Variants in GIGYF2 observed in about 807,000 individuals in gnomAD.
GIGYF2 encodes the protein GRB10 interacting GYF protein 2, also known as GRB10-interacting GYF protein 2.
GIGYF2 carries 25 observed loss-of-function variants against 208.1 expected under a neutral mutation model. That is an observed-to-expected ratio of 0.12 (90% CI 0.09 to 0.17). The LOEUF (loss-of-function observed/expected upper bound fraction) is 0.17. Ranked by LOEUF, GIGYF2 falls within the 10% of genes least tolerant of loss-of-function variation. The pLI, the probability that GIGYF2 is intolerant of heterozygous loss-of-function variation, is 1.00. For synonymous variants in GIGYF2, 534 were observed against 543.8 expected, an observed-to-expected ratio of 0.98 and a Z score of 0.25; for missense variants, 1,302 against 1,579.4, an observed-to-expected ratio of 0.82 and a Z score of 2.98.
chr2:232,704,912 T>A (rs1696021052), intron 2 of GIGYF2, among the ~76,000 whole-genome samples: 1 of 135,872 alleles, frequency 7.4e-6, no homozygotes, highest in Admixed American at 8.4e-5. Flanking sequence ...CAGGCTGGAG[T>A]GCAGTGGCGC....
chr2:232,764,162 A>T (rs1016305472), intron 8 of GIGYF2, among the ~76,000 whole-genome samples: 16 of 152,344 alleles, frequency 1.1e-4, no homozygotes, highest in African/African-American at 3.8e-4. Context: ...ATCTAATCAA[A>T]TGGGGCATTT....
rs1416330639 is a variant in GIGYF2, at chr2:232,806,679, T to C, written c.1806+22T>C. The stretch of plus-strand genomic sequence containing the variant: ...TATGGTAAGTACCTTTCACCTCACC[T>C]GGAATACATATTAGTCACGGAAACA... On this transcript the variant is annotated intron_variant, in intron 15 of 28. Coordinates refer to ENST00000373563, the MANE Select transcript of GIGYF2 (RefSeq NM_001103146.3). This position sits in a 1 kb window ranked among gnomAD's most constrained non-coding sequence, Gnocchi z 4.0. The C allele has an allele frequency of 6.5e-7, 1 of 1,536,670 alleles. No individual in the cohort carries two copies. The highest frequency in any genetic ancestry group is 1.1e-5 in the South Asian group (1 of 89,508).
intron 21 of GIGYF2, among the ~76,000 whole-genome samples, chr2:232,830,922 C>T (rs2106407116): frequency 6.6e-6 from 1 of 152,280 alleles, no homozygotes; most frequent in South Asian, 2.1e-4. Flanking sequence ...TCTTAGACTT[C>T]CTTGTTTTTG....
chr2:232,843,830 A>G (rs1701906256), intron 23 of GIGYF2, among the ~76,000 whole-genome samples: 3 of 152,228 alleles, frequency 2.0e-5, no homozygotes, highest in Non-Finnish European at 4.4e-5. Context: ...CAGTCTCAAC[A>G]ACAATAAAAA....
intron 14 of GIGYF2, among the ~76,000 whole-genome samples, chr2:232,802,963 A>G (rs570000116): frequency 6.6e-6 from 1 of 151,076 alleles, no homozygotes; most frequent in African/African-American, 2.4e-5. Flanking sequence ...GCAGTGGCAC[A>G]GTCTCAGCCC....
intron 28 of GIGYF2, among the ~76,000 whole-genome samples, chr2:232,856,554 A>T (rs747001266): frequency 1.1e-3 from 160 of 152,056 alleles, no homozygotes; most frequent in Non-Finnish European, 1.9e-3. Context: ...TGAGACGGGC[A>T]TGGTGGCATG....
At chr2:232,818,416 C>CA (rs1700978400) in intron 20 of GIGYF2, among the ~76,000 whole-genome samples, 1 of 152,128 alleles carries the variant, frequency 6.6e-6, no homozygotes, top group Non-Finnish European at 1.5e-5. Flanking sequence ...AGACAGAAAT[C>CA]ACCCAGCAAT....
In GIGYF2 at chr2:232,857,073, A is replaced by T; in HGVS notation, c.*213A>T. 1 of 595,052 alleles carries T rather than the reference A, an allele frequency of 1.7e-6. No homozygotes were observed. The highest frequency in any genetic ancestry group is 2.7e-5 in the Admixed American group (1 of 37,262). The allele number at this position is 595,052 out of a possible 1,614,324, so 36.9% of individuals were successfully genotyped here. ...CTCAGACTATAGATAAGTGGACTGG[A>T]CCCTGTGTCTTGGGGGTGGCAGTTG... On this transcript the variant is annotated 3_prime_UTR_variant, in exon 29 of 29. Coordinates refer to ENST00000373563, the MANE Select transcript of GIGYF2 (RefSeq NM_001103146.3).
At chr2:232,781,522 T>G (rs1220152927) in intron 8 of GIGYF2, among the ~76,000 whole-genome samples, 2 of 152,204 alleles carry the variant, frequency 1.3e-5, no homozygotes, top group Non-Finnish European at 2.9e-5. Flanking sequence ...TCTAAATAAT[T>G]TCTAGAATAA....
intron 12 of GIGYF2, among the ~76,000 whole-genome samples, chr2:232,793,991 A>G (rs958310094): frequency 5.9e-5 from 9 of 152,182 alleles, no homozygotes; most frequent in Non-Finnish European, 1.3e-4. Context: ...GGTGTGAGTA[A>G]AGTGGAGACA....
Position 232,811,499 on chromosome 2 carries a change from T to A in GIGYF2, c.2006+148T>A, listed in dbSNP as rs905669528. On this transcript the variant is annotated intron_variant, in intron 17 of 28. Transcript: ENST00000373563. ...ATGTTGTATGTAAAAAAGTATATTT[T>A]AAAAAAATATTTCAGGTGGAGATAA... 25 of 652,064 alleles carry A rather than the reference T, an allele frequency of 3.8e-5. No individual in the cohort carries two copies. In the East Asian group the frequency reaches 5.3e-4, roughly 14 times the overall value. The allele number at this position is 652,064 out of a possible 1,614,324, so 40.4% of individuals were successfully genotyped here.
At position 232,837,024 on chromosome 2, in the gene GIGYF2, T is replaced by C. The variant is rs549276068; in HGVS notation, c.2767-2825T>C. On this transcript the variant is annotated intron_variant, in intron 22 of 28. Coordinates refer to ENST00000373563, the MANE Select transcript of GIGYF2 (RefSeq NM_001103146.3). ...GGGTGGGCAGAATAGTAGCCTCAGG[T>C]ATTCTTGGCTTGCCTCTCCTGATGG... 6.9e-4 allele frequency among the ~76,000 whole-genome samples: 105 copies of C among 152,294 alleles called. 1 individual carries two copies. In the South Asian group the frequency reaches 0.021, roughly 31 times the overall value.
Position 232,791,368 on chromosome 2 carries a change from A to T in GIGYF2, c.1204A>T (p.Thr402Ser). ...GTTTGAGAGGAAAGATGAACCAAAA[A>T]CTGAGCAAACGGAAAAAGCTGAAGA... ...SQFERKDEPK[T>S]EQTEKAEEET... The change falls in exon 12 of 29, where the codon ACT becomes TCT. Residue 402 changes from threonine to serine, a missense_variant. This residue lies in a region of GIGYF2 where 235 missense variants were observed against 218.8 expected (regional missense o/e 1.07). Coordinates refer to ENST00000373563, the MANE Select transcript of GIGYF2 (RefSeq NM_001103146.3). 2 of 1,614,138 alleles carry T rather than the reference A, an allele frequency of 1.2e-6. No homozygotes were observed. The highest frequency in any genetic ancestry group is 1.7e-6 in the Non-Finnish European group (2 of 1,180,004).
At chr2:232,748,259 A>G (rs1040902351) in intron 4 of GIGYF2, among the ~76,000 whole-genome samples, 1 of 152,200 alleles carries the variant, frequency 6.6e-6, no homozygotes, top group Non-Finnish European at 1.5e-5. Context: ...CTGACTAGTA[A>G]GAAATAATAT....
chr2:232,768,688 G>C (rs199606834), intron 8 of GIGYF2: 28 of 1,607,960 alleles, frequency 1.7e-5, no homozygotes, highest in Non-Finnish European at 2.2e-5. Flanking sequence ...AGAGGGCTAG[G>C]TCGGGTGTTG....
intron 14 of GIGYF2, among the ~76,000 whole-genome samples, chr2:232,799,604 G>A (rs1335044199): frequency 2.6e-5 from 4 of 151,190 alleles, no homozygotes; most frequent in Admixed American, 1.3e-4. Flanking sequence ...GAACATGAAG[G>A]TACAACTATC....
chr2:232,739,353 A>G (rs1191320559), intron 3 of GIGYF2, among the ~76,000 whole-genome samples: 3 of 121,764 alleles, frequency 2.5e-5, no homozygotes, highest in Non-Finnish European at 3.3e-5. Context: ...CCTGGGCAAC[A>G]AAAGCAAACC....
chr2:232,786,611 C>T (rs1475978429), intron 8 of GIGYF2, among the ~76,000 whole-genome samples: 1 of 152,164 alleles, frequency 6.6e-6, no homozygotes, highest in Non-Finnish European at 1.5e-5. Flanking sequence ...GCAGAATCAC[C>T]AGTAGGTGTT....
chr2:232,760,079 C>T (rs545887852), intron 6 of GIGYF2: 115 of 168,534 alleles, frequency 6.8e-4, no homozygotes, highest in African/African-American at 2.6e-3. Context: ...TTAACTTTAG[C>T]CCCTGTCTTC....
Sources: allele counts gnomAD v4.1 joint callset (sites outside exome capture counted in the v4.1 genomes callset), GRCh38; gene constraint gnomAD v4.1.1; regional missense constraint gnomAD v4.1.1; non-coding constraint Gnocchi (gnomAD v3.1); transcripts MANE v1.5; gene names NCBI Gene and HGNC (gene_info 2026-07-23, HGNC 2026-07-21).